Variants in GUCY1A2 observed in about 807,000 individuals in gnomAD.
GUCY1A2 encodes the protein guanylate cyclase soluble subunit alpha-2.
GUCY1A2 carries 27 observed loss-of-function variants against 63.5 expected under a neutral mutation model. That is an observed-to-expected ratio of 0.43 (90% CI 0.31 to 0.59). The LOEUF is 0.59. Among genes scored for constraint, GUCY1A2 ranks in the 20% least tolerant of loss-of-function variants. GUCY1A2 has a pLI of 0.11. For missense variants in GUCY1A2, 768 were observed against 913.3 expected (o/e 0.84, Z 2.05); for synonymous variants, 364 against 343.5 (o/e 1.06, Z -0.66).
At chr11:106,964,795 C>T (rs574844507) in intron 3 of GUCY1A2, among the ~76,000 whole-genome samples, 71 of 152,034 alleles carry the variant, frequency 4.7e-4, no homozygotes, top group East Asian at 1.9e-3. Context: ...CTGGCTAACG[C>T]GGTGAAACCC....
At chr11:106,705,605 A>C (rs1862894462) in intron 7 of GUCY1A2, among the ~76,000 whole-genome samples, 1 of 152,296 alleles carries the variant, frequency 6.6e-6, no homozygotes, top group South Asian at 2.1e-4. Flanking sequence ...TCAGGCTTAT[A>C]ATCCCAGCAC....
intron 6 of GUCY1A2, among the ~76,000 whole-genome samples, chr11:106,716,483 C>A (rs1863216170): frequency 6.6e-6 from 1 of 152,086 alleles, no homozygotes; most frequent in South Asian, 2.1e-4. Flanking sequence ...CAGCCAATAG[C>A]ATTGTGATTT....
At chr11:106,810,603 A>G in intron 4 of GUCY1A2, 125 bp from the exon 5 acceptor site, 1 of 681,156 alleles carries the variant, frequency 1.5e-6, no homozygotes, top group Non-Finnish European at 2.3e-6. Context: ...CTGCATTCAT[A>G]TAAGCAAATT....
intron 3 of GUCY1A2, among the ~76,000 whole-genome samples, chr11:106,960,460 T>C (rs1475600362): frequency 6.6e-6 from 1 of 152,114 alleles, no homozygotes; most frequent in Non-Finnish European, 1.5e-5. Context: ...GAGAACAGAG[T>C]AGTCTGCTAT....
chr11:106,787,732 T>C (rs1864589711), intron 5 of GUCY1A2, among the ~76,000 whole-genome samples: 1 of 151,702 alleles, frequency 6.6e-6, no homozygotes, highest in African/African-American at 2.4e-5. Context: ...TTTTTATGGC[T>C]GAATAGTACC....
At chr11:106,857,371 T>A (rs1376567637) in intron 4 of GUCY1A2, among the ~76,000 whole-genome samples, 1 of 152,074 alleles carries the variant, frequency 6.6e-6, no homozygotes, top group East Asian at 1.9e-4. Flanking sequence ...ATGACCTAAT[T>A]ACCTCCCAAA....
chr11:106,926,028 A>G (rs1156597293), intron 4 of GUCY1A2, among the ~76,000 whole-genome samples: 1 of 152,228 alleles, frequency 6.6e-6, no homozygotes, highest in Non-Finnish European at 1.5e-5. Flanking sequence ...AAAAGTAAAT[A>G]GAGTGTAAGT....
intron 6 of GUCY1A2, among the ~76,000 whole-genome samples, chr11:106,728,627 A>G (rs761735932): frequency 3.3e-5 from 5 of 152,200 alleles, no homozygotes; most frequent in Non-Finnish European, 7.4e-5. Flanking sequence ...ATTTAAATGC[A>G]TGCATGCTTA....
chr11:106,939,441 T>A lies in GUCY1A2; in HGVS notation c.1206+19A>T, dbSNP rs369762610. 27 of 1,257,442 alleles carry A rather than the reference T, an allele frequency of 2.1e-5. No individual in the cohort carries two copies. Among genetic ancestry groups the A allele is most frequent in the Non-Finnish European group, 3.0e-5 (26 of 871,272 alleles). The allele number at this position is 1,257,442 out of a possible 1,614,324, so 77.9% of individuals were successfully genotyped here. ...CACTCTTCTAGTTCCCATCACCATC[T>A]CAAGTCCATAGCACTTACCTTGTCT... On this transcript the variant is annotated intron_variant, in intron 4 of 7. Coordinates refer to ENST00000526355, the MANE Select transcript of GUCY1A2 (RefSeq NM_000855.3).
chr11:106,895,052 C>T lies in GUCY1A2; in HGVS notation c.1206+44408G>A, dbSNP rs549425264. On this transcript the variant is annotated intron_variant, in intron 4 of 7. Coordinates refer to ENST00000526355, the MANE Select transcript of GUCY1A2 (RefSeq NM_000855.3). ...AGAGAAGGGATACAAATTAATAAGA[C>T]CAAAATAAACAAGGAGACATCACTA... Among the ~76,000 whole-genome samples the T allele has an allele frequency of 3.6e-3, 555 of 152,138 alleles. 2 individuals are homozygous for T. Among genetic ancestry groups the T allele is most frequent in the Non-Finnish European group, 5.6e-3 (379 of 67,992 alleles).
chr11:106,972,305 A>G (rs776198361), intron 3 of GUCY1A2, among the ~76,000 whole-genome samples: 2 of 152,182 alleles, frequency 1.3e-5, no homozygotes, highest in Non-Finnish European at 2.9e-5. Context: ...GGGATATATC[A>G]TAACTTTCTG....
chr11:106,914,744 A>G (rs990441417), intron 4 of GUCY1A2, among the ~76,000 whole-genome samples: 10 of 151,978 alleles, frequency 6.6e-5, no homozygotes, highest in African/African-American at 2.4e-4. Flanking sequence ...AAGAGTAAAA[A>G]TGTTTCATGG....
At position 106,977,480 on chromosome 11, in the gene GUCY1A2, T is replaced by C. The variant is rs575024782; in HGVS notation, c.487+1139A>G. 3.9e-5 allele frequency among the ~76,000 whole-genome samples: 6 copies of C among 152,278 alleles called. No homozygotes were observed. In the East Asian group the frequency reaches 7.7e-4, roughly 20 times the overall value. On this transcript the variant is annotated intron_variant, in intron 3 of 7. Transcript: ENST00000526355. ...ACCACTAACATCTATATGCATCCCCTCACAAAAGGTATACATTTTCTTATT... is the reference window on the plus strand; with the variant it reads ...ACCACTAACATCTATATGCATCCCCCCACAAAAGGTATACATTTTCTTATT...
chr11:106,838,291 T>G (rs1859144112), intron 4 of GUCY1A2, among the ~76,000 whole-genome samples: 1 of 151,932 alleles, frequency 6.6e-6, no homozygotes, highest in African/African-American at 2.4e-5. Flanking sequence ...TGTTTAAAAG[T>G]CAACTTTAAA....
intron 4 of GUCY1A2, chr11:106,824,179 T>C (rs2135432129): frequency 7.2e-7 from 1 of 1,388,672 alleles, no homozygotes; most frequent in Middle Eastern, 1.9e-4. Context: ...CAGAACTCTT[T>C]CAGGGTAAAT....
At chr11:107,007,432 T>C (rs988356379) in intron 1 of GUCY1A2, among the ~76,000 whole-genome samples, 2 of 152,216 alleles carry the variant, frequency 1.3e-5, no homozygotes, top group East Asian at 1.9e-4. Context: ...CGTTTGGACA[T>C]TCACTCATTA....
intron 3 of GUCY1A2, among the ~76,000 whole-genome samples, chr11:106,972,703 G>T (rs147182473): frequency 2.0e-5 from 3 of 152,022 alleles, no homozygotes; most frequent in South Asian, 2.1e-4. Flanking sequence ...GGAGAAGAGG[G>T]AAACTATGCC....
At chr11:106,708,873 C>CAAAT (rs1206288748) in intron 6 of GUCY1A2, among the ~76,000 whole-genome samples, 2 of 151,290 alleles carry the variant, frequency 1.3e-5, no homozygotes, top group South Asian at 2.1e-4. Context: ...ATTGAATACA[C>CAAAT]AAATAAATAG....
At chr11:106,763,242 AT>A (rs1864097237) in intron 6 of GUCY1A2, among the ~76,000 whole-genome samples, 1 of 151,978 alleles carries the variant, frequency 6.6e-6, no homozygotes, top group African/African-American at 2.4e-5. Flanking sequence ...TAACAATGTA[AT>A]TTTTTTTGGT....
Sources: gnomAD v4.1 joint callset for allele counts (sites outside exome capture counted in the v4.1 genomes callset) on GRCh38, gnomAD v4.1.1 for gene constraint, MANE v1.5 for transcripts, NCBI Gene and HGNC (gene_info 2026-07-23, HGNC 2026-07-21) for gene names.